Variants in CREBBP observed in about 807,000 individuals in gnomAD.
CREBBP encodes CREB-binding protein.
A neutral mutation model predicts 265.0 loss-of-function variants in CREBBP; 19 were observed. That is an observed-to-expected ratio of 0.07 (90% CI 0.05 to 0.11). The LOEUF (loss-of-function observed/expected upper bound fraction) is 0.11, where lower values mean the gene tolerates loss of function less well. Among genes scored for constraint, CREBBP ranks in the 10% least tolerant of loss-of-function variants. CREBBP has a pLI of 1.00. For synonymous variants in CREBBP, 1,457 were observed against 1,223.7 expected, an observed-to-expected ratio of 1.19 and a Z score of -3.98; for missense variants, 2,525 against 3,219.0, an observed-to-expected ratio of 0.78 and a Z score of 5.22.
chr16:3,785,573 CG>C (rs2053367146), intron 5 of CREBBP, among the ~76,000 whole-genome samples: 1 of 152,230 alleles, frequency 6.6e-6, no homozygotes, highest in Non-Finnish European at 1.5e-5. Context: ...GTCCAGGGGA[CG>C]TGCCAGCTAT....
rs1257042402 is a variant in CREBBP, at chr16:3,768,015, C to T, written c.3061-106G>A. ...CCTAAAACAGGTTTGTTAAAACCTTCCTCTAGTCAGAGTTGCATTTATGAT... is the reference window on the plus strand; with the variant it reads ...CCTAAAACAGGTTTGTTAAAACCTTTCTCTAGTCAGAGTTGCATTTATGAT... On this transcript the variant is annotated intron_variant, in intron 15 of 30. Transcript: ENST00000262367. 2.9e-6 allele frequency: 3 copies of T among 1,021,346 alleles called. No individual in the cohort carries two copies. In the African/African-American group the frequency reaches 4.7e-5, roughly 16 times the overall value. 63.3% of individuals were successfully genotyped at this position (1,021,346 alleles called of 1,614,324 possible).
At chr16:3,774,501 C>A (rs2141219138) in intron 12 of CREBBP, 68 bp downstream of exon 12, 2 of 1,604,592 alleles carry the variant, frequency 1.2e-6, no homozygotes, top group Non-Finnish European at 1.7e-6. Context: ...GACATGAATT[C>A]TGCTGCTTAG....
intron 1 of CREBBP, among the ~76,000 whole-genome samples, chr16:3,855,869 A>G (rs1004736605): frequency 6.6e-6 from 1 of 152,228 alleles, no homozygotes; most frequent in Non-Finnish European, 1.5e-5. Flanking sequence ...CCTCTCTATC[A>G]TAACTACTGT....
chr16:3,736,325 G>A (rs2052058636), intron 27 of CREBBP, 122 bp from the exon 28 acceptor site: 2 of 1,040,034 alleles, frequency 1.9e-6, no homozygotes, highest in Non-Finnish European at 2.9e-6. Flanking sequence ...ATGCATGTGT[G>A]CCCCCCCACC....
intron 2 of CREBBP, among the ~76,000 whole-genome samples, chr16:3,818,163 G>A (rs760066763): frequency 9.9e-5 from 15 of 151,988 alleles, no homozygotes; most frequent in Non-Finnish European, 1.9e-4. Context: ...ACCTGAGGGG[G>A]CCACCATGTG....
At chr16:3,752,740 G>A (rs1454317195) in intron 19 of CREBBP, among the ~76,000 whole-genome samples, 2 of 152,190 alleles carry the variant, frequency 1.3e-5, no homozygotes, top group Admixed American at 1.3e-4. Flanking sequence ...GCGAATGACT[G>A]TTCTGACTTG....
chr16:3,857,728 A>C (rs1313227424), intron 1 of CREBBP, among the ~76,000 whole-genome samples: 3 of 152,222 alleles, frequency 2.0e-5, no homozygotes, highest in Non-Finnish European at 4.4e-5. Context: ...CACCTCAAGG[A>C]AACTTCACCA....
intron 3 of CREBBP, among the ~76,000 whole-genome samples, chr16:3,796,135 A>G (rs2053603482): frequency 6.6e-6 from 1 of 152,340 alleles, no homozygotes; most frequent in African/African-American, 2.4e-5. Context: ...AATATCACAT[A>G]CCAAAAAAAT....
Position 3,769,188 on chromosome 16 carries a change from C to T in CREBBP, c.3046G>A (p.Glu1016Lys). ...TEPDPGESKG[E>K]PRSEMMEEDL... ...GCGGCACCCACCTCAGACCTGGGCT[C>T]CCCTTTGGATTCACCAGGATCGGGC... Residue 1016 changes from glutamate to lysine, a missense_variant, in exon 15 of 31, where the codon GAG (glutamate) becomes AAG (lysine). Coordinates refer to ENST00000262367, the MANE Select transcript of CREBBP (RefSeq NM_004380.3). 1 of 1,614,110 alleles carries T rather than the reference C, an allele frequency of 6.2e-7. No individual in the cohort carries two copies. Among genetic ancestry groups the T allele is most frequent in the Non-Finnish European group, 8.5e-7 (1 of 1,180,014 alleles).
At chr16:3,745,239 G>A in intron 22 of CREBBP, 38 bp downstream of exon 22, 15 of 1,587,004 alleles carry the variant, frequency 9.5e-6, no homozygotes, top group Non-Finnish European at 1.3e-5. Context: ...CACTGGCTCT[G>A]TGCAGAACTG....
Position 3,759,588 on chromosome 16 carries a change from C to CA in CREBBP, c.3251-617dup, listed in dbSNP as rs879293877. Among the ~76,000 whole-genome samples the CA allele has an allele frequency of 5.3e-4, 69 of 129,440 alleles. 1 individual carries two copies. The highest frequency in any genetic ancestry group is 1.0e-3 in the Admixed American group (14 of 13,714). 84.9% of individuals were successfully genotyped at this position (129,440 alleles called of 152,430 possible). ...GACAACAAGAGCAAAACTCTGTCTC[C>CA]AAAAAAAAAAGACCATTTCATTGGA... On this transcript the variant is annotated intron_variant, in intron 16 of 30. Coordinates refer to ENST00000262367, the MANE Select transcript of CREBBP (RefSeq NM_004380.3).
At chr16:3,865,840 G>GCCA (rs1474053286) in intron 1 of CREBBP, among the ~76,000 whole-genome samples, 1 of 152,180 alleles carries the variant, frequency 6.6e-6, no homozygotes, top group Non-Finnish European at 1.5e-5. Flanking sequence ...GTTTCACCAT[G>GCCA]TTGGCCAGGA....
In CREBBP at chr16:3,774,691, T is replaced by A. The variant is rs773744675; in HGVS notation, c.2161A>T (p.Met721Leu). ...PVNRMQVSQG[M>L]NSFNPMSLGN... ...AAGGACATGGGGTTAAATGAATTCA[T>A]CCCTGTAAATGTACCCACAACGGTT... The change falls in exon 12 of 31, where the codon ATG becomes TTG. Residue 721 changes from methionine (M) to leucine (L), a missense_variant and splice_region_variant. Coordinates refer to ENST00000262367, the MANE Select transcript of CREBBP (RefSeq NM_004380.3). The A allele has an allele frequency of 1.9e-6, 3 of 1,614,064 alleles. No individual in the cohort carries two copies. The highest frequency in any genetic ancestry group is 2.5e-6 in the Non-Finnish European group (3 of 1,180,014).
intron 1 of CREBBP, among the ~76,000 whole-genome samples, chr16:3,879,586 C>T (rs899835401): frequency 1.3e-5 from 2 of 152,216 alleles, no homozygotes; most frequent in Non-Finnish European, 2.9e-5. Flanking sequence ...CACTAGGGTC[C>T]CCGCGAGGAG....
In CREBBP at chr16:3,880,523, G is replaced by A; in HGVS notation, c.-607C>T. On this transcript the variant is annotated 5_prime_UTR_variant, in exon 1 of 31. Coordinates refer to ENST00000262367, the MANE Select transcript of CREBBP (RefSeq NM_004380.3). ...GCCGCTGCCGCCGCCGCCGCCGCCG[G>A]GCTCCGGGAGGCCGAGCCGAGAGGC... The A allele has an allele frequency of 6.8e-6, 1 of 146,438 alleles. No individual in the cohort carries two copies. Among genetic ancestry groups the A allele is most frequent in the South Asian group, 1.8e-4 (1 of 5,506 alleles). 9.1% of individuals were successfully genotyped at this position (146,438 alleles called of 1,614,324 possible). A position where few individuals can be genotyped will look rare whatever the true frequency, so the allele number is the denominator to read the frequency against.
intron 15 of CREBBP, among the ~76,000 whole-genome samples, 156 bp downstream of exon 15, chr16:3,769,018 C>A (rs1374366249): frequency 6.6e-6 from 1 of 152,034 alleles, no homozygotes; most frequent in Non-Finnish European, 1.5e-5. Context: ...AAGCTGTTTT[C>A]AATCAATTTC....
intron 2 of CREBBP, among the ~76,000 whole-genome samples, chr16:3,811,062 C>G (rs1038974880): frequency 6.6e-6 from 1 of 152,060 alleles, no homozygotes; most frequent in Non-Finnish European, 1.5e-5. Context: ...GCACCAACAC[C>G]CGAAGAAAGT....
chr16:3,850,185 G>GA, intron 2 of CREBBP, 112 bp downstream of exon 2: 1 of 1,012,628 alleles, frequency 9.9e-7, no homozygotes, highest in South Asian at 1.3e-5. Context: ...GTGGCACGTG[G>GA]AGAGCCCAAG....
intron 1 of CREBBP, among the ~76,000 whole-genome samples, chr16:3,853,505 G>A (rs1296335023): frequency 6.6e-6 from 1 of 152,126 alleles, no homozygotes; most frequent in Non-Finnish European, 1.5e-5. Flanking sequence ...AGCTACTCTG[G>A]AGGCTGAGGC....
Sources: allele counts gnomAD v4.1 joint callset (sites outside exome capture counted in the v4.1 genomes callset), GRCh38; gene constraint gnomAD v4.1.1; transcripts MANE v1.5; gene names NCBI Gene and HGNC (gene_info 2026-07-23, HGNC 2026-07-21).